The following ERBB4 variants were observed in gnomAD, a reference collection of about 807,000 sequenced individuals.
ERBB4 encodes receptor tyrosine-protein kinase erbB-4.
A neutral mutation model predicts 158.0 loss-of-function variants in ERBB4; 42 were observed. The observed-to-expected ratio is 0.27, with a 90% CI of 0.21 to 0.34. ERBB4 has a LOEUF of 0.34. Ranked by LOEUF, ERBB4 falls within the 10% of genes least tolerant of loss-of-function variation. ERBB4 has a pLI of 1.00. For synonymous variants in ERBB4, 583 were observed against 558.7 expected, an observed-to-expected ratio of 1.04 and a Z score of -0.61; for missense variants, 1,333 against 1,624.1, an observed-to-expected ratio of 0.82 and a Z score of 3.08.
intron 2 of ERBB4, among the ~76,000 whole-genome samples, chr2:211,997,099 G>C (rs775971261): frequency 6.6e-6 from 1 of 151,824 alleles, no homozygotes; most frequent in Non-Finnish European, 1.5e-5. Context: ...AAGATGAAGA[G>C]AGCATTGGTC....
intron 19 of ERBB4, among the ~76,000 whole-genome samples, chr2:211,563,770 GGAGA>G (rs1009705877): frequency 6.7e-6 from 1 of 150,306 alleles, no homozygotes; most frequent in African/African-American, 2.5e-5. Context: ...ACACAGGGAG[GGAGA>G]GAGATATATA....
chr2:212,320,373 C>A (rs1473810886), intron 1 of ERBB4, among the ~76,000 whole-genome samples: 1 of 147,716 alleles, frequency 6.8e-6, no homozygotes, highest in African/African-American at 2.5e-5. Flanking sequence ...AGAAATAAAG[C>A]ATTTAGAGAA....
At chr2:211,874,881 T>G (rs2078450996) in intron 3 of ERBB4, among the ~76,000 whole-genome samples, 1 of 152,092 alleles carries the variant, frequency 6.6e-6, no homozygotes, top group South Asian at 2.1e-4. Context: ...AAAACATTTT[T>G]GTTAATGCTA....
At chr2:211,387,877 G>C in intron 26 of ERBB4, 68 bp downstream of exon 26, 1 of 1,202,674 alleles carries the variant, frequency 8.3e-7, no homozygotes, top group Non-Finnish European at 1.2e-6. Flanking sequence ...ATGCAGAGAC[G>C]AGAGAGGAAA....
chr2:212,168,393 T>C (rs6751662), intron 1 of ERBB4, among the ~76,000 whole-genome samples: 71,523 of 152,072 alleles, frequency 0.47, 19,839 homozygotes, highest in Non-Finnish European at 0.64. Flanking sequence ...ACATCTCTTT[T>C]CTTCAATGAT....
chr2:211,698,137 A>G (rs1575005190), intron 12 of ERBB4, among the ~76,000 whole-genome samples: 1 of 151,828 alleles, frequency 6.6e-6, no homozygotes, highest in African/African-American at 2.4e-5. Flanking sequence ...ACTAACATGG[A>G]GAAACCCCGT....
intron 1 of ERBB4, among the ~76,000 whole-genome samples, chr2:212,415,456 C>A (rs1021918850): frequency 6.6e-6 from 1 of 151,982 alleles, no homozygotes; most frequent in African/African-American, 2.4e-5. Flanking sequence ...TGCTGTATAC[C>A]TGTATTTGCA....
chr2:211,640,447 G>T (rs1432232926), intron 16 of ERBB4, among the ~76,000 whole-genome samples: 1 of 152,046 alleles, frequency 6.6e-6, no homozygotes, highest in African/African-American at 2.4e-5. Flanking sequence ...TTTCTTGCAG[G>T]ATTAATGAAC....
intron 1 of ERBB4, among the ~76,000 whole-genome samples, chr2:212,172,780 G>A (rs2081557545): frequency 6.6e-6 from 1 of 152,014 alleles, no homozygotes; most frequent in Non-Finnish European, 1.5e-5. Context: ...TGGGGCTTGT[G>A]GGAGGGTTTT....
At chr2:211,716,717 A>T (rs573985694) in intron 7 of ERBB4, among the ~76,000 whole-genome samples, 60 of 96,148 alleles carry the variant, frequency 6.2e-4, no homozygotes, top group African/African-American at 2.7e-3. Flanking sequence ...AAACAAAAAA[A>T]AACAAAAAAA....
intron 3 of ERBB4, among the ~76,000 whole-genome samples, chr2:211,934,104 G>A (rs1352603952): frequency 1.3e-5 from 2 of 151,840 alleles, no homozygotes; most frequent in African/African-American, 4.8e-5. Flanking sequence ...CCCCGAATAT[G>A]TTACTATTCT....
intron 1 of ERBB4, among the ~76,000 whole-genome samples, chr2:212,209,086 A>G (rs2082853026): frequency 6.6e-6 from 1 of 152,122 alleles, no homozygotes; most frequent in African/African-American, 2.4e-5. Flanking sequence ...CATCTGTGCT[A>G]TATTAGAGAC....
intron 1 of ERBB4, among the ~76,000 whole-genome samples, chr2:212,374,186 T>C (rs1168788317): frequency 1.3e-5 from 2 of 150,440 alleles, no homozygotes; most frequent in East Asian, 1.9e-4. Flanking sequence ...AATAGGCAGA[T>C]AGACATTATT....
intron 1 of ERBB4, among the ~76,000 whole-genome samples, chr2:212,467,757 A>C (rs1028092866): frequency 1.3e-5 from 2 of 152,194 alleles, no homozygotes; most frequent in African/African-American, 4.8e-5. Flanking sequence ...GAGCTGTGAG[A>C]AGAGGGCCAC....
intron 16 of ERBB4, among the ~76,000 whole-genome samples, chr2:211,636,240 C>A (rs971828752): frequency 6.6e-6 from 1 of 151,954 alleles, no homozygotes; most frequent in Non-Finnish European, 1.5e-5. Flanking sequence ...GTATCTCCAA[C>A]ATTACTACTT....
chr2:212,480,477 A>G (rs1038659493), intron 1 of ERBB4, among the ~76,000 whole-genome samples: 2 of 152,226 alleles, frequency 1.3e-5, no homozygotes, highest in Admixed American at 1.3e-4. Flanking sequence ...TTCTAAGGAT[A>G]GCTTGATAGT....
At chr2:211,648,446 G>A (rs1435924577) in intron 16 of ERBB4, among the ~76,000 whole-genome samples, 2 of 151,544 alleles carry the variant, frequency 1.3e-5, no homozygotes, top group African/African-American at 2.4e-5. Context: ...TAGGAATTAC[G>A]TTAACTTTTC....
At chr2:211,959,881 G>T (rs1327125846) in intron 2 of ERBB4, among the ~76,000 whole-genome samples, 1 of 152,030 alleles carries the variant, frequency 6.6e-6, no homozygotes, top group African/African-American at 2.4e-5. Context: ...ATGGAAAGGA[G>T]CAAAGGAATA....
chr2:211,489,135 G>A (rs567298336), intron 20 of ERBB4, among the ~76,000 whole-genome samples: 14 of 152,174 alleles, frequency 9.2e-5, no homozygotes, highest in African/African-American at 3.4e-4. Context: ...CAATTTGAGA[G>A]AGCTTTAGCT....
Sources: allele counts gnomAD v4.1 joint callset (sites outside exome capture counted in the v4.1 genomes callset), GRCh38; gene constraint gnomAD v4.1.1; transcripts MANE v1.5; gene names NCBI Gene and HGNC (gene_info 2026-07-23, HGNC 2026-07-21).